The following PDE4DIP variants were observed in gnomAD, a reference collection of about 807,000 sequenced individuals.
The protein encoded by PDE4DIP is phosphodiesterase 4D interacting protein.
Under a neutral mutation model 221.4 loss-of-function variants are expected in PDE4DIP, and 59 were observed. The ratio of observed to expected loss-of-function variants is 0.27; its 90% CI spans 0.22 to 0.33. The LOEUF (loss-of-function observed/expected upper bound fraction) is 0.33. Ranked by LOEUF, PDE4DIP falls within the 10% of genes least tolerant of loss-of-function variation. The pLI is 1.00. For synonymous variants in PDE4DIP, 404 were observed against 815.9 expected (o/e 0.50, Z 8.60); for missense variants, 1,036 against 2,154.2 (o/e 0.48, Z 10.28).
intron 38 of PDE4DIP, chr1:149,025,800 G>A (rs2074979067): frequency 6.7e-6 from 1 of 148,500 alleles, no homozygotes; most frequent in Non-Finnish European, 1.5e-5. Context: ...TTATCTGACA[G>A]TAACCTTATT....
In PDE4DIP at chr1:148,978,456, T is replaced by A. The variant is rs182596551; in HGVS notation, c.2574+41T>A. ...ATAAACCTTATTTATTTATTTACATTTTTTTGTATTCTTTTTTTTTTTTTT... is the reference window on the plus strand; with the variant it reads ...ATAAACCTTATTTATTTATTTACATATTTTTGTATTCTTTTTTTTTTTTTT... On this transcript the variant is annotated intron_variant, in intron 19 of 43. Transcript: ENST00000369354. The A allele has an allele frequency of 2.3e-4, 326 of 1,387,544 alleles. 2 individuals carry two copies. In the African/African-American group the frequency reaches 4.5e-3, roughly 19 times the overall value. 86.0% of individuals were successfully genotyped at this position (1,387,544 alleles called of 1,614,324 possible).
chr1:148,995,081 TTA>T (rs1437957099), intron 22 of PDE4DIP, among the ~76,000 whole-genome samples: 3 of 152,252 alleles, frequency 2.0e-5, no homozygotes, highest in Non-Finnish European at 4.4e-5. Flanking sequence ...TTAACATAAA[TTA>T]TGAATAATGC....
chr1:148,979,943 A>G, intron 20 of PDE4DIP, 94 bp downstream of exon 23: 1 of 1,456,100 alleles, frequency 6.9e-7, no homozygotes, highest in Admixed American at 1.8e-5. Flanking sequence ...TTAAGTGCAG[A>G]TGCTTATGAT....
At chr1:149,009,748 G>A (rs1207452861) in exon 30 of PDE4DIP, 1 of 1,613,206 alleles carries the variant, frequency 6.2e-7, no homozygotes, top group Non-Finnish European at 8.5e-7. Flanking sequence ...TAGTCAGCGA[G>A]TACACACACT....
intron 1 of PDE4DIP, among the ~76,000 whole-genome samples, chr1:148,907,194 G>A (rs10797605): frequency 0.055 from 7,326 of 132,978 alleles, 12 homozygotes; most frequent in East Asian, 0.36. Context: ...TTATGTGTTA[G>A]GTGAGTCTCT....
chr1:149,017,840 C>T lies in PDE4DIP; in HGVS notation c.5611C>T (p.Gln1871Ter), dbSNP rs1553613325. Residue 1871 changes from glutamine (Q) to a stop codon, truncating the protein, a stop_gained, in exon 34 of 44, where the codon CAA becomes TAA. Transcript: ENST00000369354. LOFTEE classifies it high-confidence loss of function. Reference sequence around the variant, plus strand: ...CTGCATCAATGACCGCCTACGGGAGCAACTGGAACACCGGCTGACCTCTAC... The same window carrying T: ...CTGCATCAATGACCGCCTACGGGAGTAACTGGAACACCGGCTGACCTCTAC... 1.9e-6 allele frequency: 3 copies of T among 1,613,450 alleles called. No homozygotes were observed. The highest frequency in any genetic ancestry group is 2.5e-6 in the Non-Finnish European group (3 of 1,179,862).
At chr1:148,920,193 C>T (rs1349474346) in intron 1 of PDE4DIP, among the ~76,000 whole-genome samples, 12 of 146,644 alleles carry the variant, frequency 8.2e-5, no homozygotes, top group South Asian at 4.3e-4. Context: ...AGTGCAGTGG[C>T]GCAATCTTCG....
At chr1:148,817,833 C>CTTTTT (rs57489174) in intron 1 of PDE4DIP, among the ~76,000 whole-genome samples, 1 of 112,776 alleles carries the variant, frequency 8.9e-6, no homozygotes. Flanking sequence ...AATTTTTTTT[C>CTTTTT]TTTTTTTTTG....
At chr1:148,962,059 G>A in intron 7 of PDE4DIP, 103 bp downstream of exon 10, 1 of 706,022 alleles carries the variant, frequency 1.4e-6, no homozygotes, top group Non-Finnish European at 2.6e-6. Context: ...AGACTAGCAT[G>A]TCTTAGCCTG....
At position 149,028,603 on chromosome 1, in the gene PDE4DIP, G is replaced by A. The variant is rs782501601; in HGVS notation, c.6713G>A (p.Ser2238Asn). The change falls in exon 41 of 44, where the codon AGT becomes AAT. Residue 2238 changes from serine (S) to asparagine (N), a missense_variant. Coordinates refer to ENST00000369354, the Ensembl canonical transcript of PDE4DIP. Reference sequence around the variant, plus strand: ...ATTCATGAGCTTCGGAGCAGCACCAGTGCCCTGCACCATGCCCTAGAGGAG... The same window carrying A: ...ATTCATGAGCTTCGGAGCAGCACCAATGCCCTGCACCATGCCCTAGAGGAG... 60 of 1,610,284 alleles carry A rather than the reference G, an allele frequency of 3.7e-5. 1 individual carries two copies. The Admixed American group carries it at 7.7e-4, about 21-fold the overall frequency.
At chr1:148,923,536 C>G (rs1384047712) in intron 1 of PDE4DIP, among the ~76,000 whole-genome samples, 2 of 145,560 alleles carry the variant, frequency 1.4e-5, no homozygotes, top group South Asian at 2.2e-4. Context: ...TGCAGTGGCG[C>G]GATCTCGGCT....
At chr1:149,012,447 A>T in intron 31 of PDE4DIP, 144 bp from the exon 35 acceptor site, 1 of 551,072 alleles carries the variant, frequency 1.8e-6, no homozygotes, top group Admixed American at 3.2e-5. Context: ...TGGCTGTCTT[A>T]TCCTGTACCA....
intron 1 of PDE4DIP, among the ~76,000 whole-genome samples, chr1:148,919,336 C>A (rs1320501333): frequency 6.6e-6 from 1 of 151,580 alleles, no homozygotes; most frequent in Non-Finnish European, 1.5e-5. Context: ...GCTTTGGGGA[C>A]GACCAGTTTA....
intron 43 of PDE4DIP, 51 bp from the exon 47 acceptor site, chr1:149,031,893 G>A (rs1553638331): frequency 6.4e-7 from 1 of 1,562,552 alleles, no homozygotes; most frequent in Non-Finnish European, 8.7e-7. Context: ...GTAGCCATCA[G>A]TAGGGCCTGG....
At position 148,952,982 on chromosome 1, in the gene PDE4DIP, A is replaced by G. The variant is rs146672626; in HGVS notation, c.637-7672A>G. On this transcript the variant is annotated intron_variant, in intron 5 of 43. Coordinates refer to ENST00000369354, the Ensembl canonical transcript of PDE4DIP. The stretch of plus-strand genomic sequence containing the variant: ...TCGAATCTATCGATTCGACACAGTT[A>G]TTGCCCGGATTGAAGCGCTTTCTAT... 628 of 1,612,652 alleles carry G rather than the reference A, an allele frequency of 3.9e-4. 1 individual carries two copies. The Admixed American group carries it at 0.01, about 27-fold the overall frequency.
intron 19 of PDE4DIP, 50 bp downstream of exon 22, chr1:148,978,465 TTC>T: frequency 1.5e-6 from 2 of 1,310,716 alleles, no homozygotes; most frequent in Non-Finnish European, 2.1e-6. Context: ...TTTTTTTGTA[TTC>T]TTTTTTTTTT....
At chr1:149,010,078 CAGAT>C (rs1446350416) in intron 30 of PDE4DIP, among the ~76,000 whole-genome samples, 1 of 152,196 alleles carries the variant, frequency 6.6e-6, no homozygotes, top group Non-Finnish European at 1.5e-5. Flanking sequence ...GTGACTCTGT[CAGAT>C]AGATCTTCTT....
chr1:149,016,860 G>A (rs372806143), intron 33 of PDE4DIP, among the ~76,000 whole-genome samples: 105 of 152,410 alleles, frequency 6.9e-4, no homozygotes, highest in Middle Eastern at 3.4e-3. Context: ...CTTCCAGAAT[G>A]CCAGGCATAG....
intron 37 of PDE4DIP, among the ~76,000 whole-genome samples, chr1:149,023,020 A>G (rs1348139448): frequency 4.6e-5 from 7 of 152,298 alleles, no homozygotes; most frequent in Non-Finnish European, 8.8e-5. Flanking sequence ...GAACATCATA[A>G]AACTTTGGGC....
Sources: gnomAD v4.1 joint callset for allele counts (sites outside exome capture counted in the v4.1 genomes callset) on GRCh38, gnomAD v4.1.1 for gene constraint, MANE v1.5 for transcripts, NCBI Gene and HGNC (gene_info 2026-07-23, HGNC 2026-07-21) for gene names.